Variants in SLC2A5 observed in about 807,000 individuals in gnomAD.
The protein encoded by SLC2A5 is solute carrier family 2, facilitated glucose transporter member 5.
In SLC2A5, 56 loss-of-function variants were observed where a neutral mutation model predicts 50.3. That is an observed-to-expected ratio of 1.11 (90% CI 0.90 to 1.39). SLC2A5 has a LOEUF of 1.39. Ranked by LOEUF, SLC2A5 falls within the 40% of genes most tolerant of loss-of-function variation. SLC2A5 has a pLI of 0.00. For synonymous variants in SLC2A5, 269 were observed against 281.9 expected (o/e 0.95, Z 0.46); for missense variants, 566 against 650.1 (o/e 0.87, Z 1.41).
At chr1:9,041,514 T>A (rs1310446619) in intron 5 of SLC2A5, 1 of 1,343,588 alleles carries the variant, frequency 7.4e-7, no homozygotes, top group Admixed American at 3.4e-5. Context: ...GGACAGCTGC[T>A]GAGCAGGCAG....
intron 5 of SLC2A5, 187 bp downstream of exon 5, chr1:9,041,598 A>G (rs1272531379): frequency 6.9e-7 from 1 of 1,447,688 alleles, no homozygotes; most frequent in Non-Finnish European, 9.1e-7. Context: ...CCAGTCCCTT[A>G]TCGCGCCTTT....
At chr1:9,050,626 T>C (rs1398623882) in intron 3 of SLC2A5, among the ~76,000 whole-genome samples, 1 of 151,910 alleles carries the variant, frequency 6.6e-6, no homozygotes, top group Non-Finnish European at 1.5e-5. Context: ...GAAGATAGCT[T>C]AGGAAAAAAA....
intron 5 of SLC2A5, chr1:9,041,569 A>T (rs1049812279): frequency 7.0e-7 from 1 of 1,423,292 alleles, no homozygotes; most frequent in Non-Finnish European, 9.2e-7. Context: ...CCTAAGAGGG[A>T]CTAGATAGTA....
intron 3 of SLC2A5, among the ~76,000 whole-genome samples, chr1:9,050,992 T>C (rs1440124126): frequency 6.6e-6 from 1 of 152,152 alleles, no homozygotes; most frequent in Admixed American, 6.5e-5. Flanking sequence ...AAACCAACAA[T>C]TCTGGTCTGA....
intron 3 of SLC2A5, among the ~76,000 whole-genome samples, chr1:9,056,794 G>A (rs1030842367): frequency 2.6e-5 from 4 of 152,186 alleles, no homozygotes; most frequent in South Asian, 2.1e-4. Flanking sequence ...GGTGTCACAA[G>A]AGAGATGTCC....
intron 1 of SLC2A5, among the ~76,000 whole-genome samples, chr1:9,062,874 A>T (rs1339225912): frequency 6.7e-6 from 1 of 149,138 alleles, no homozygotes; most frequent in Non-Finnish European, 1.5e-5. Context: ...TCTGTCTCAA[A>T]AAATAAATAA....
intron 3 of SLC2A5, among the ~76,000 whole-genome samples, chr1:9,048,770 C>G (rs1485560615): frequency 6.6e-6 from 1 of 151,942 alleles, no homozygotes; most frequent in Non-Finnish European, 1.5e-5. Flanking sequence ...ATTCTTGTAC[C>G]TCAGCCTTCC....
chr1:9,074,983 C>T (rs1344136223), intron 2 of SLC2A5, among the ~76,000 whole-genome samples: 1 of 150,962 alleles, frequency 6.6e-6, no homozygotes, highest in Non-Finnish European at 1.5e-5. Flanking sequence ...GACTGAGCCA[C>T]AGAACTCGGC....
rs951259023 is a variant in SLC2A5, at chr1:9,067,783, G to A, written c.33+1721C>T. Among the ~76,000 whole-genome samples the A allele has an allele frequency of 5.3e-5, 8 of 152,150 alleles. No homozygotes were observed. In the East Asian group the frequency reaches 5.8e-4, roughly 11 times the overall value. On this transcript the variant is annotated intron_variant, in intron 1 of 11. Coordinates refer to ENST00000377424, the MANE Select transcript of SLC2A5 (RefSeq NM_003039.3). ...GTCTAGAAGGTAGAGCCAGGGACGCGGCTAAACATCTTATAACACACAAGA... is the reference window on the plus strand; with the variant it reads ...GTCTAGAAGGTAGAGCCAGGGACGCAGCTAAACATCTTATAACACACAAGA...
intron 2 of SLC2A5, among the ~76,000 whole-genome samples, chr1:9,081,273 A>G (rs370548476): frequency 6.9e-6 from 1 of 145,366 alleles, no homozygotes; most frequent in Non-Finnish European, 1.5e-5. Flanking sequence ...AAAAAAAAAA[A>G]AAAAAACCCC....
At position 9,039,938 on chromosome 1, in the gene SLC2A5, C is replaced by T; in HGVS notation, c.747G>A (p.Glu249=). 6.2e-7 allele frequency: 1 copy of T among 1,612,996 alleles called. No individual in the cohort carries two copies. ...GWDSVDREVA[E]IRQEDEAEKA... Reference sequence around the variant, plus strand: ...TCTCTGCCTCATCCTCCTGCCGGATCTCGGCCACCTCCCTGTCCACAGAGT... The same window carrying T: ...TCTCTGCCTCATCCTCCTGCCGGATTTCGGCCACCTCCCTGTCCACAGAGT... Residue 249 remains glutamate, a synonymous_variant, in exon 7 of 12, where the codon GAG becomes GAA. Transcript: ENST00000377424.
At chr1:9,064,246 CT>C (rs1557679016) in intron 1 of SLC2A5, among the ~76,000 whole-genome samples, 1 of 152,030 alleles carries the variant, frequency 6.6e-6, no homozygotes, top group African/African-American at 2.4e-5. Context: ...CTCTTTCTTT[CT>C]TTTTTTGCTT....
At chr1:9,053,711 TA>T (rs1360319958) in intron 3 of SLC2A5, among the ~76,000 whole-genome samples, 23 of 148,560 alleles carry the variant, frequency 1.5e-4, no homozygotes, top group African/African-American at 5.7e-4. Context: ...TCATCTCTAC[TA>T]AAAATACTAA....
chr1:9,071,057 G>A (rs1221331575), upstream of SLC2A5, among the ~76,000 whole-genome samples: 9 of 152,150 alleles, frequency 5.9e-5, 1 homozygote, highest in Non-Finnish European at 1.3e-4. Flanking sequence ...GGGTAGGGTG[G>A]GGAGAGGAAA....
intron 1 of SLC2A5, among the ~76,000 whole-genome samples, chr1:9,059,552 T>TTTC (rs1641853638): frequency 1.1e-5 from 1 of 87,654 alleles, no homozygotes; most frequent in Non-Finnish European, 2.3e-5. Context: ...TTTTTTTTTT[T>TTTC]TTCTGAGACA....
At chr1:9,065,053 C>CAA (rs199947177) in intron 1 of SLC2A5, among the ~76,000 whole-genome samples, 7,332 of 107,102 alleles carry the variant, frequency 0.068, 218 homozygotes, top group Middle Eastern at 0.14. Flanking sequence ...GATTCTGTCT[C>CAA]AAAAAAAAAA....
At chr1:9,067,134 C>G (rs1642103800) in intron 1 of SLC2A5, among the ~76,000 whole-genome samples, 1 of 152,194 alleles carries the variant, frequency 6.6e-6, no homozygotes, top group Non-Finnish European at 1.5e-5. Flanking sequence ...TCGCCTGCCC[C>G]CGCATTTCTC....
intron 2 of SLC2A5, among the ~76,000 whole-genome samples, chr1:9,081,374 G>T (rs1042957735): frequency 6.6e-6 from 1 of 150,436 alleles, no homozygotes; most frequent in Admixed American, 6.6e-5. Context: ...GGGTACAGTG[G>T]CATGTGCCTA....
intron 3 of SLC2A5, among the ~76,000 whole-genome samples, chr1:9,053,805 C>A (rs1375270311): frequency 1.3e-5 from 2 of 150,106 alleles, no homozygotes; most frequent in African/African-American, 4.9e-5. Flanking sequence ...ACCCGGGAGG[C>A]AGAGGTTGCA....
Sources: gnomAD v4.1 joint callset for allele counts (sites outside exome capture counted in the v4.1 genomes callset) on GRCh38, gnomAD v4.1.1 for gene constraint, MANE v1.5 for transcripts, NCBI Gene and HGNC (gene_info 2026-07-23, HGNC 2026-07-21) for gene names.